TCF25: variants seen among roughly 807,000 people sequenced by gnomAD.
TCF25 encodes the protein ribosome quality control complex subunit TCF25.
A neutral mutation model predicts 83.1 loss-of-function variants in TCF25; 41 were observed. The ratio of observed to expected loss-of-function variants is 0.49; its 90% CI spans 0.38 to 0.64. The LOEUF (loss-of-function observed/expected upper bound fraction) is 0.64. TCF25 is among the 30% of genes least tolerant of loss of function. The probability of loss-of-function intolerance (pLI) is 0.00; values close to 1 mark genes in which losing one functional copy is unlikely to be tolerated. For synonymous variants in TCF25, 458 were observed against 365.0 expected, an observed-to-expected ratio of 1.25 and a Z score of -2.90; for missense variants, 979 against 914.5, an observed-to-expected ratio of 1.07 and a Z score of -0.91.
At chr16:89,882,868 C>T (rs926288592) in intron 1 of TCF25, among the ~76,000 whole-genome samples, 3 of 152,188 alleles carry the variant, frequency 2.0e-5, no homozygotes, top group Non-Finnish European at 2.9e-5. Context: ...ATCACAGGCG[C>T]GAGCACCTCG....
At chr16:89,906,376 G>T (rs1321463345) in intron 15 of TCF25, 92 bp downstream of exon 15, 3 of 1,306,252 alleles carry the variant, frequency 2.3e-6, no homozygotes, top group East Asian at 2.4e-5. Context: ...GGCGTGCGTG[G>T]TGCGGGCTCC....
intron 5 of TCF25, chr16:89,890,206 A>C (rs998568182): frequency 8.5e-5 from 13 of 152,338 alleles, no homozygotes; most frequent in African/African-American, 2.9e-4. Flanking sequence ...GAGCCACCAC[A>C]CCCAGCCTAA....
chr16:89,881,249 C>T (rs978616652), intron 1 of TCF25, among the ~76,000 whole-genome samples: 10 of 152,126 alleles, frequency 6.6e-5, no homozygotes, highest in African/African-American at 2.4e-4. Flanking sequence ...CAGGTGCAGC[C>T]GAGTCTCAAT....
At position 89,873,823 on chromosome 16, in the gene TCF25, G is replaced by A; in HGVS notation, c.156G>A (p.Gly52=). The change falls in exon 1 of 18, where the codon GGG becomes GGA. Residue 52 remains glycine, a synonymous_variant. Transcript: ENST00000263346. The part of the protein sequence containing the change: ...ELGVRRPGGA[G]KEGVRVNNRF... ...GTGTCCGGCGTCCCGGGGGCGCAGG[G>A]AAGGAGGGCGTCCGAGTCAACAACC... The A allele has an allele frequency of 2.5e-6, 4 of 1,584,900 alleles. No homozygotes were observed. The highest frequency in any genetic ancestry group is 2.6e-6 in the Non-Finnish European group (3 of 1,168,032).
chr16:89,897,178 T>C (rs759286779), intron 9 of TCF25, among the ~76,000 whole-genome samples: 3 of 152,232 alleles, frequency 2.0e-5, no homozygotes, highest in Non-Finnish European at 4.4e-5. Flanking sequence ...GGTTTGACCT[T>C]AAATCAGTGA....
rs777104634 is a variant in TCF25 at position 89,885,838 on chromosome 16, G to C, written c.430-10G>C. 1 of 1,598,762 alleles carries C rather than the reference G, an allele frequency of 6.3e-7. No individual in the cohort carries two copies. The highest frequency in any genetic ancestry group is 8.6e-7 in the Non-Finnish European group (1 of 1,166,766). Reference sequence around the variant, plus strand: ...GTGTGGTGATTAAGAGGTTGTTTTGGGGCTTTTAGGAAAACGGACTAGAAG... The same window carrying C: ...GTGTGGTGATTAAGAGGTTGTTTTGCGGCTTTTAGGAAAACGGACTAGAAG... On this transcript the variant is annotated splice_polypyrimidine_tract_variant and intron_variant, in intron 3 of 17. Transcript: ENST00000263346.
intron 1 of TCF25, among the ~76,000 whole-genome samples, chr16:89,882,530 C>CT (rs1425532044): frequency 6.6e-6 from 1 of 151,194 alleles, no homozygotes; most frequent in Non-Finnish European, 1.5e-5. Context: ...GAGCGAGACT[C>CT]TGTCTCAAAA....
At chr16:89,891,563 T>C (rs541317332) in intron 5 of TCF25, among the ~76,000 whole-genome samples, 4 of 152,272 alleles carry the variant, frequency 2.6e-5, no homozygotes, top group Non-Finnish European at 4.4e-5. Context: ...ACCTCTGTTA[T>C]TTGGGGGTCT....
rs1181682529 is a variant in TCF25 at position 89,905,074 on chromosome 16, G to A, written c.1606G>A (p.Ala536Thr). ...VLQAVDAGDP[A>T]VEACENRRKV... ...GCAAGCAGTGGACGCCGGGGACCCA[G>A]CCGTGGAAGCCTGTGAGAACCGGTG... Residue 536 changes from alanine to threonine, a missense_variant, in exon 14 of 18, where the codon GCC becomes ACC. Coordinates refer to ENST00000263346, the MANE Select transcript of TCF25 (RefSeq NM_014972.3). 5 of 1,599,922 alleles carry A rather than the reference G, an allele frequency of 3.1e-6. No homozygotes were observed. The highest frequency in any genetic ancestry group is 4.3e-6 in the Non-Finnish European group (5 of 1,173,802).
In TCF25 at chr16:89,900,495, G is replaced by C. The variant is rs1327741700; in HGVS notation, c.1222-140G>C. 5 of 925,136 alleles carry C rather than the reference G, an allele frequency of 5.4e-6. No homozygotes were observed. The Middle Eastern group carries it at 9.1e-4, about 169-fold the overall frequency. The allele number at this position is 925,136 out of a possible 1,614,324, so 57.3% of individuals were successfully genotyped here. A position where few individuals can be genotyped will look rare whatever the true frequency, so the allele number is the denominator to read the frequency against. Reference sequence around the variant, plus strand: ...ACGTTTTAAGTTATCTTTATGCTGAGTTAGGAAGAGGCCCTTGCGTTGCCT... The same window carrying C: ...ACGTTTTAAGTTATCTTTATGCTGACTTAGGAAGAGGCCCTTGCGTTGCCT... On this transcript the variant is annotated intron_variant, in intron 11 of 17. Transcript: ENST00000263346.
rs1225981518 is a variant in TCF25 at position 89,873,666 on chromosome 16, C to G, written c.-2C>G. ...CTCCAGACGTCGTGGTCGTTCGGTC[C>G]TATGTCGCGCCGGGCCCTCCGGAGG... is the stretch of plus-strand genomic sequence containing the variant. On this transcript the variant is annotated 5_prime_UTR_variant, in exon 1 of 18. Transcript: ENST00000263346. 3.8e-6 allele frequency: 6 copies of G among 1,595,674 alleles called. No homozygotes were observed. Among genetic ancestry groups the G allele is most frequent in the African/African-American group, 1.4e-5 (1 of 73,162 alleles).
intron 2 of TCF25, 36 bp from the exon 3 acceptor site, chr16:89,884,546 C>G: frequency 6.2e-7 from 1 of 1,604,944 alleles, no homozygotes; most frequent in Non-Finnish European, 8.5e-7. Flanking sequence ...AGATTTACTT[C>G]TCATTCTACT....
chr16:89,891,198 C>G (rs1477397977), intron 5 of TCF25, among the ~76,000 whole-genome samples: 2 of 152,238 alleles, frequency 1.3e-5, no homozygotes, highest in East Asian at 1.9e-4. Context: ...TGGGTCTGTT[C>G]TGGAGGCTTC....
At chr16:89,904,869 G>A (rs1482037938) in intron 13 of TCF25, 69 bp from the exon 14 acceptor site, 1 of 1,546,154 alleles carries the variant, frequency 6.5e-7, no homozygotes, top group Non-Finnish European at 8.7e-7. Context: ...CATCCATGGG[G>A]CTCTGCCAGC....
chr16:89,898,775 C>T lies in TCF25; in HGVS notation c.1124C>T (p.Pro375Leu), dbSNP rs927664285. The T allele has an allele frequency of 1.1e-5, 17 of 1,613,874 alleles. No homozygotes were observed. The highest frequency in any genetic ancestry group is 1.4e-5 in the Non-Finnish European group (17 of 1,180,044). Residue 375 changes from proline (P) to leucine (L), a missense_variant, in exon 11 of 18, where the codon CCG (proline) becomes CTG (leucine). By Grantham distance (98) the Pro-to-Leu change is moderately conservative. Coordinates refer to ENST00000263346, the MANE Select transcript of TCF25 (RefSeq NM_014972.3). ...EYCKLILSLE[P>L]DEDPLCMLLL... ...TGTGCTGCCTCCGGAAGTCTCGAGC[C>T]GGATGAGGACCCCCTCTGCATGCTG...
intron 1 of TCF25, among the ~76,000 whole-genome samples, chr16:89,878,009 G>A (rs2042320312): frequency 6.6e-6 from 1 of 152,174 alleles, no homozygotes; most frequent in African/African-American, 2.4e-5. Flanking sequence ...TAGGGTTGGT[G>A]GCTGACACCT....
intron 7 of TCF25, among the ~76,000 whole-genome samples, chr16:89,894,762 A>T (rs2043716803): frequency 6.6e-6 from 1 of 152,218 alleles, no homozygotes; most frequent in African/African-American, 2.4e-5. Flanking sequence ...CGCCTGCCTC[A>T]GCCTTCCGAG....
At chr16:89,892,309 G>A (rs1414780829) in intron 6 of TCF25, 34 bp downstream of exon 6, 7 of 1,586,400 alleles carry the variant, frequency 4.4e-6, no homozygotes, top group Non-Finnish European at 6.0e-6. Flanking sequence ...GGGATGGAGG[G>A]TTGGGGGGCG....
intron 12 of TCF25, among the ~76,000 whole-genome samples, chr16:89,903,368 TTG>T (rs1389358760): frequency 6.6e-6 from 1 of 152,200 alleles, no homozygotes; most frequent in African/African-American, 2.4e-5. Flanking sequence ...GGTCCAGTCT[TTG>T]TGATTAAAAC....
Sources: gnomAD v4.1 joint callset for allele counts (sites outside exome capture counted in the v4.1 genomes callset) on GRCh38, gnomAD v4.1.1 for gene constraint, MANE v1.5 for transcripts, NCBI Gene and HGNC (gene_info 2026-07-23, HGNC 2026-07-21) for gene names.